Variants in RELN observed in about 807,000 individuals in gnomAD.
RELN encodes reelin.
Under a neutral mutation model 427.6 loss-of-function variants are expected in RELN, and 108 were observed. The observed-to-expected ratio is 0.25, with a 90% confidence interval of 0.22 to 0.30. RELN has a LOEUF of 0.30. Ranked by LOEUF, RELN falls within the 10% of genes least tolerant of loss-of-function variation. RELN has a pLI of 1.00. For missense variants in RELN, 3,715 were observed against 4,302.8 expected (o/e 0.86, Z 3.82); for synonymous variants, 1,524 against 1,513.4 (o/e 1.01, Z -0.16).
intron 16 of RELN, among the ~76,000 whole-genome samples, chr7:103,649,682 A>G (rs1018158161): frequency 5.7e-4 from 86 of 152,204 alleles, no homozygotes; most frequent in African/African-American, 2.0e-3. Context: ...TGTCATTGTC[A>G]TAAGTGGTAT....
At chr7:103,480,167 C>T (rs994662048) in intron 63 of RELN, among the ~76,000 whole-genome samples, 3 of 152,180 alleles carry the variant, frequency 2.0e-5, no homozygotes, top group Middle Eastern at 6.8e-3. Context: ...TGTTCTGATA[C>T]AAAAATGCAG....
intron 3 of RELN, among the ~76,000 whole-genome samples, chr7:103,781,369 C>A (rs79653536): frequency 0.016 from 2,389 of 152,086 alleles, 64 homozygotes; most frequent in African/African-American, 0.055. Context: ...ATTATATATT[C>A]CAAAATTGCT....
Position 103,626,904 on chromosome 7 carries a change from G to T in RELN, c.2702+3036C>A. 1.3e-5 allele frequency among the ~76,000 whole-genome samples: 2 copies of T among 152,076 alleles called. 1 individual carries two copies. Among genetic ancestry groups the T allele is most frequent in the Non-Finnish European group, 2.9e-5 (2 of 67,960 alleles). On this transcript the variant is annotated intron_variant, in intron 20 of 64. Coordinates refer to ENST00000428762, the MANE Select transcript of RELN (RefSeq NM_005045.4). This position sits in a 1 kb window ranked among gnomAD's most constrained non-coding sequence, Gnocchi z 4.4. Reference sequence around the variant, plus strand: ...CTGAGTTCAGATACTATGTATGGAAGAAAGTATTCAAAGAATTCAAAGCAA... The same window carrying T: ...CTGAGTTCAGATACTATGTATGGAATAAAGTATTCAAAGAATTCAAAGCAA...
At chr7:103,753,134 A>C (rs759888642) in intron 5 of RELN, 48 bp downstream of exon 5, 1 of 1,597,150 alleles carries the variant, frequency 6.3e-7, no homozygotes. Flanking sequence ...AAGCCAAACA[A>C]GTAGATCAAG....
At chr7:103,772,325 AATGAATG>A (rs1563003595) in intron 4 of RELN, among the ~76,000 whole-genome samples, 1 of 149,344 alleles carries the variant, frequency 6.7e-6, no homozygotes, top group Non-Finnish European at 1.5e-5. Flanking sequence ...TGAATGAATG[AATGAATG>A]AATGAATGAA....
Position 103,569,486 on chromosome 7 carries a change from G to A in RELN, c.4588+2698C>T, listed in dbSNP as rs1215526975. Among the ~76,000 whole-genome samples the A allele has an allele frequency of 6.6e-6, 1 of 152,210 alleles. No individual in the cohort carries two copies. Reference sequence around the variant, plus strand: ...TAGTTGTGGAATAATTTGTTATGTAGCATACCACTCCAATCCTACTAAATC... The same window carrying A: ...TAGTTGTGGAATAATTTGTTATGTAACATACCACTCCAATCCTACTAAATC... On this transcript the variant is annotated intron_variant, in intron 31 of 64. Transcript: ENST00000428762. This position sits in a 1 kb window ranked among gnomAD's most constrained non-coding sequence, Gnocchi z 4.0.
intron 1 of RELN, among the ~76,000 whole-genome samples, chr7:103,972,137 T>C (rs547607483): frequency 6.6e-6 from 1 of 152,286 alleles, no homozygotes; most frequent in South Asian, 2.1e-4. Flanking sequence ...ATGTATTATC[T>C]AAAACTTGAA....
intron 5 of RELN, among the ~76,000 whole-genome samples, chr7:103,749,709 GAAAACCA>G (rs949429934): frequency 1.3e-5 from 2 of 152,148 alleles, no homozygotes; most frequent in African/African-American, 4.8e-5. Context: ...TAGAAGTTGG[GAAAACCA>G]AAGACCCCAA....
chr7:103,876,124 A>C (rs928942041), intron 2 of RELN, among the ~76,000 whole-genome samples: 19 of 152,290 alleles, frequency 1.2e-4, no homozygotes, highest in African/African-American at 4.6e-4. Flanking sequence ...TCTGTCTTTC[A>C]CTTTCTCTAA....
intron 59 of RELN, 41 bp downstream of exon 59, chr7:103,490,627 G>T (rs780032558): frequency 8.1e-6 from 13 of 1,602,128 alleles, no homozygotes; most frequent in African/African-American, 2.7e-5. Context: ...CTGTAGAGAG[G>T]CCAGATAATT....
chr7:103,493,300 A>G (rs1408843563), intron 57 of RELN, among the ~76,000 whole-genome samples: 1 of 152,222 alleles, frequency 6.6e-6, no homozygotes, highest in Non-Finnish European at 1.5e-5. Flanking sequence ...CACTGATTAG[A>G]TATGAAAAGT....
intron 43 of RELN, 53 bp from the exon 44 acceptor site, chr7:103,540,508 G>A (rs1365005354): frequency 1.3e-6 from 2 of 1,582,068 alleles, no homozygotes; most frequent in East Asian, 4.5e-5. Flanking sequence ...AAATCCACAT[G>A]CTTAACAACA....
rs1430161652 is a variant in RELN at position 103,561,794 on chromosome 7, G to A, written c.5351+19C>T. The stretch of plus-strand genomic sequence containing the variant: ...TTTTTGCGTTACAAAGAAAGAAACT[G>A]TCAGTTTTATTAACTTACACACAGC... On this transcript the variant is annotated intron_variant, in intron 35 of 64. Coordinates refer to ENST00000428762, the MANE Select transcript of RELN (RefSeq NM_005045.4). 14 of 1,613,832 alleles carry A rather than the reference G, an allele frequency of 8.7e-6. No individual in the cohort carries two copies. The highest frequency in any genetic ancestry group is 2.2e-5 in the South Asian group (2 of 91,068).
In RELN at chr7:103,935,348, C is replaced by T. The variant is rs537143711; in HGVS notation, c.227-18163G>A. Among the ~76,000 whole-genome samples, 10 of 152,240 alleles carry T rather than the reference C, an allele frequency of 6.6e-5. No individual in the cohort carries two copies. In the South Asian group the frequency reaches 8.3e-4, roughly 13 times the overall value. On this transcript the variant is annotated intron_variant, in intron 1 of 64. Transcript: ENST00000428762. ...ATGACCTTCATGGTGCTAAATTCAA[C>T]GGCATTTTAGTTCTCATCTTACTTG...
chr7:103,838,204 GT>G (rs890392736), intron 2 of RELN, among the ~76,000 whole-genome samples: 6 of 46,896 alleles, frequency 1.3e-4, no homozygotes, highest in African/African-American at 5.6e-4. Flanking sequence ...GCGAGACTTC[GT>G]CTCAAAAAAA....
intron 8 of RELN, among the ~76,000 whole-genome samples, chr7:103,718,982 A>C (rs1030047369): frequency 3.3e-5 from 5 of 152,158 alleles, no homozygotes; most frequent in African/African-American, 1.2e-4. Flanking sequence ...CTACCCAAAC[A>C]ATTTTTCTGA....
At chr7:103,685,222 T>TA (rs1249674086) in intron 10 of RELN, among the ~76,000 whole-genome samples, 1 of 152,162 alleles carries the variant, frequency 6.6e-6, no homozygotes, top group African/African-American at 2.4e-5. Context: ...AAAAGAATTT[T>TA]AAAAAATTGG....
At chr7:103,954,761 G>T (rs570591817) in intron 1 of RELN, among the ~76,000 whole-genome samples, 1 of 152,206 alleles carries the variant, frequency 6.6e-6, no homozygotes, top group African/African-American at 2.4e-5. Context: ...ACTGATTTTT[G>T]TATTCTGATA....
intron 2 of RELN, among the ~76,000 whole-genome samples, chr7:103,858,002 G>GT (rs34616950): frequency 0.14 from 20,798 of 151,126 alleles, 1,659 homozygotes; most frequent in South Asian, 0.32. Context: ...CTCTTCAATG[G>GT]TTTCTTTTTT....
Sources: allele counts gnomAD v4.1 joint callset (sites outside exome capture counted in the v4.1 genomes callset), GRCh38; gene constraint gnomAD v4.1.1; non-coding constraint Gnocchi (gnomAD v3.1); transcripts MANE v1.5; gene names NCBI Gene and HGNC (gene_info 2026-07-23, HGNC 2026-07-21).